P2RY8: variants seen among roughly 807,000 people sequenced by gnomAD.
P2RY8 encodes the protein S-geranylgeranyl-glutathione receptor P2RY8.
P2RY8 carries 6 observed loss-of-function variants against 10.0 expected under a neutral mutation model. That is an observed-to-expected ratio of 0.60 (90% CI 0.33 to 1.19). The LOEUF is 1.19. Ranked by LOEUF, P2RY8 falls within the 50% of genes most tolerant of loss-of-function variation. The pLI, the probability that P2RY8 is intolerant of heterozygous loss-of-function variation, is 0.04. For synonymous variants in P2RY8, 276 were observed against 252.5 expected (o/e 1.09, Z -0.88); for missense variants, 456 against 542.0 (o/e 0.84, Z 1.58).
chrX:1,495,162 C>G (rs1383116612), intron 1 of P2RY8, among the ~76,000 whole-genome samples: 3 of 152,132 alleles, frequency 2.0e-5, no homozygotes, highest in Non-Finnish European at 4.4e-5. Flanking sequence ...GCACTCCAGC[C>G]TGGGTGACAG....
intron 1 of P2RY8, among the ~76,000 whole-genome samples, chrX:1,508,678 CCAT>C (rs1157268980): frequency 8.7e-6 from 1 of 115,500 alleles, no homozygotes; most frequent in East Asian, 2.2e-4. Context: ...ATTTATCTAT[CCAT>C]CATCCATCCA....
chrX:1,518,436 A>AT lies in P2RY8; in HGVS notation c.-25+18484_-25+18485insA, dbSNP rs1252497958. Among the ~76,000 whole-genome samples the AT allele has an allele frequency of 6.8e-3, 1,004 of 147,742 alleles. 6 individuals are homozygous for AT. Among genetic ancestry groups the AT allele is most frequent in the African/African-American group, 0.016 (645 of 40,766 alleles). ...GCGAGACTCCGTCTCAAAAAAAAAA[A>AT]AATAATAATAATATAATAAAATATT... On this transcript the variant is annotated intron_variant, in intron 1 of 1. Coordinates refer to ENST00000381297, the MANE Select transcript of P2RY8 (RefSeq NM_178129.5).
chrX:1,506,650 C>T (rs1265225429), intron 1 of P2RY8, among the ~76,000 whole-genome samples: 5 of 151,394 alleles, frequency 3.3e-5, no homozygotes, highest in African/African-American at 9.7e-5. Context: ...ACATTTTGGA[C>T]GTTTGTCACT....
chrX:1,497,915 C>G (rs1422968376), intron 1 of P2RY8, among the ~76,000 whole-genome samples: 1 of 151,924 alleles, frequency 6.6e-6, no homozygotes. Context: ...TTTGGGGCAG[C>G]TGAACCCAGG....
rs752377970 is a variant in P2RY8, at chrX:1,500,537, C to T, written c.-24-33955G>A. Among the ~76,000 whole-genome samples, 246 of 151,178 alleles carry T rather than the reference C, an allele frequency of 1.6e-3. 1 individual carries two copies. The highest frequency in any genetic ancestry group is 3.4e-3 in the Middle Eastern group (1 of 292). On this transcript the variant is annotated intron_variant, in intron 1 of 1. Coordinates refer to ENST00000381297, the MANE Select transcript of P2RY8 (RefSeq NM_178129.5). ...TCGGCTCACTGCAACCTCCGCCTCC[C>T]GAGTTCAAGTGATTCTCCTGCCTCA...
At chrX:1,523,152 T>A (rs1245008398) in intron 1 of P2RY8, among the ~76,000 whole-genome samples, 1 of 151,774 alleles carries the variant, frequency 6.6e-6, no homozygotes, top group Non-Finnish European at 1.5e-5. Context: ...AAAAAAGATA[T>A]AGCAAATAGT....
At chrX:1,490,903 C>CTT (rs2092040057) in intron 1 of P2RY8, among the ~76,000 whole-genome samples, 4 of 136,864 alleles carry the variant, frequency 2.9e-5, no homozygotes, top group African/African-American at 1.1e-4. Flanking sequence ...CCAGATATTC[C>CTT]CTGCAAATGT....
chrX:1,532,437 GTATA>G (rs1249029918), intron 1 of P2RY8, among the ~76,000 whole-genome samples: 1 of 131,808 alleles, frequency 7.6e-6, no homozygotes, highest in East Asian at 2.1e-4. Context: ...ACACATATAT[GTATA>G]TATGTATATG....
chrX:1,478,964 C>A (rs1323264243), intron 1 of P2RY8, among the ~76,000 whole-genome samples: 4 of 152,132 alleles, frequency 2.6e-5, no homozygotes, highest in African/African-American at 9.7e-5. Flanking sequence ...TTGATACCAC[C>A]ACTTCCAGGT....
At chrX:1,498,810 T>C (rs1449489802) in intron 1 of P2RY8, among the ~76,000 whole-genome samples, 1 of 151,456 alleles carries the variant, frequency 6.6e-6, no homozygotes, top group Non-Finnish European at 1.5e-5. Flanking sequence ...AGTTCTGGGA[T>C]GACAGGTGCG....
At chrX:1,534,134 A>C (rs1166830228) in intron 1 of P2RY8, among the ~76,000 whole-genome samples, 21 of 130,722 alleles carry the variant, frequency 1.6e-4, no homozygotes, top group Non-Finnish European at 2.5e-4. Context: ...ATATATTTAT[A>C]TATATTTACA....
chrX:1,535,769 G>A (rs2092521731), intron 1 of P2RY8, among the ~76,000 whole-genome samples: 1 of 150,614 alleles, frequency 6.6e-6, no homozygotes, highest in African/African-American at 2.4e-5. Context: ...TTCTTTTTGG[G>A]AACAGAGCCA....
chrX:1,507,790 G>T (rs1603457987), intron 1 of P2RY8, among the ~76,000 whole-genome samples: 1 of 152,150 alleles, frequency 6.6e-6, no homozygotes, highest in South Asian at 2.1e-4. Context: ...GGAAAGTAAA[G>T]GTTTTTCTCA....
intron 1 of P2RY8, among the ~76,000 whole-genome samples, chrX:1,523,283 G>A (rs1400993302): frequency 9.2e-5 from 14 of 151,946 alleles, no homozygotes; most frequent in Middle Eastern, 3.2e-3. Context: ...AAATGGGGAT[G>A]TCAGCAGAGC....
chrX:1,471,464 CA>C (rs1213576195), intron 1 of P2RY8, among the ~76,000 whole-genome samples: 1 of 96,312 alleles, frequency 1.0e-5, no homozygotes, highest in Non-Finnish European at 2.1e-5. Flanking sequence ...ACACCCAGCC[CA>C]TTTTTTTTTT....
At chrX:1,490,700 G>A (rs1271377725) in intron 1 of P2RY8, among the ~76,000 whole-genome samples, 1 of 148,990 alleles carries the variant, frequency 6.7e-6, no homozygotes, top group Non-Finnish European at 1.5e-5. Flanking sequence ...AATGTAGAGA[G>A]AATGAATGAA....
intron 1 of P2RY8, among the ~76,000 whole-genome samples, chrX:1,526,680 T>C (rs866100743): frequency 2.6e-5 from 4 of 151,324 alleles, no homozygotes; most frequent in Non-Finnish European, 4.4e-5. Flanking sequence ...TATTCAGCAT[T>C]CATCCATCCA....
chrX:1,462,611 G>A lies in P2RY8; in HGVS notation c.*2868C>T, dbSNP rs1162699198. ...TTCAAAGCTCATGTTTTTTTTTAAT[G>A]TTTTATTTTTATTTTTTACAGAGAT... On this transcript the variant is annotated 3_prime_UTR_variant, in exon 2 of 2. Transcript: ENST00000381297. 2 of 231,296 alleles carry A rather than the reference G, an allele frequency of 8.6e-6. No homozygotes were observed. Among genetic ancestry groups the A allele is most frequent in the African/African-American group, 2.2e-5 (1 of 45,110 alleles). The allele number at this position is 231,296 out of a possible 1,614,324, so 14.3% of individuals were successfully genotyped here.
In P2RY8 at chrX:1,488,125, G is replaced by A. The variant is rs868175101; in HGVS notation, c.-24-21543C>T. ...AACTCTGTCTAAAAAAAAAAAAGAA[G>A]AAGAAGAGAAGTGGGTCTCAACAGG... On this transcript the variant is annotated intron_variant, in intron 1 of 1. Coordinates refer to ENST00000381297, the MANE Select transcript of P2RY8 (RefSeq NM_178129.5). Among the ~76,000 whole-genome samples, 678 of 149,178 alleles carry A rather than the reference G, an allele frequency of 4.5e-3. 7 individuals are homozygous for A. The highest frequency in any genetic ancestry group is 0.013 in the African/African-American group (533 of 39,832).
Sources: gnomAD v4.1 joint callset for allele counts (sites outside exome capture counted in the v4.1 genomes callset) on GRCh38, gnomAD v4.1.1 for gene constraint, MANE v1.5 for transcripts, NCBI Gene and HGNC (gene_info 2026-07-23, HGNC 2026-07-21) for gene names.